The following IL1RAPL1 variants were observed in gnomAD, a reference collection of about 807,000 sequenced individuals.
IL1RAPL1 encodes the protein interleukin 1 receptor accessory protein like 1.
IL1RAPL1 carries 3 observed loss-of-function variants against 48.4 expected under a neutral mutation model. The observed-to-expected ratio is 0.06, with a 90% confidence interval of 0.03 to 0.16. The LOEUF (loss-of-function observed/expected upper bound fraction) is 0.16, where lower values mean the gene tolerates loss of function less well. Ranked by LOEUF, IL1RAPL1 falls within the 10% of genes least tolerant of loss-of-function variation. The pLI is 1.00. For synonymous variants in IL1RAPL1, 185 were observed against 187.7 expected, an observed-to-expected ratio of 0.99 and a Z score of 0.12; for missense variants, 349 against 530.6, an observed-to-expected ratio of 0.66 and a Z score of 3.36.
intron 6 of IL1RAPL1, among the ~76,000 whole-genome samples, chrX:29,728,163 C>G (rs1013091984): frequency 9.0e-6 from 1 of 111,319 alleles, no homozygotes; most frequent in Non-Finnish European, 1.9e-5. Context: ...GTCTTGATCT[C>G]CTGACCTCAT....
intron 2 of IL1RAPL1, among the ~76,000 whole-genome samples, chrX:28,827,611 C>T (rs1036906939): frequency 4.5e-5 from 5 of 111,439 alleles, no homozygotes; most frequent in Admixed American, 9.5e-5. Flanking sequence ...ATCTATATTA[C>T]GTGGTAGTTA....
At chrX:29,753,996 T>C (rs1368906733) in intron 6 of IL1RAPL1, among the ~76,000 whole-genome samples, 2 of 111,912 alleles carry the variant, frequency 1.8e-5, no homozygotes, top group Non-Finnish European at 3.8e-5. Flanking sequence ...TTCAACTTTT[T>C]CTCTATTCAT....
intron 5 of IL1RAPL1, among the ~76,000 whole-genome samples, chrX:29,627,248 G>C (rs934882780): frequency 2.7e-5 from 3 of 112,187 alleles, no homozygotes; most frequent in African/African-American, 9.7e-5. Context: ...GGTAGAAGAG[G>C]CTGTACGTGA....
chrX:28,593,688 A>T (rs1193455948), intron 1 of IL1RAPL1, among the ~76,000 whole-genome samples: 2 of 111,693 alleles, frequency 1.8e-5, no homozygotes, highest in East Asian at 2.8e-4. Flanking sequence ...TACTCTTTCG[A>T]TGTTTATTAG....
intron 5 of IL1RAPL1, among the ~76,000 whole-genome samples, chrX:29,404,171 GA>G (rs1237905382): frequency 8.9e-6 from 1 of 111,809 alleles, no homozygotes; most frequent in Non-Finnish European, 1.9e-5. Flanking sequence ...AAAAGTAACA[GA>G]ATAGTTTCAC....
intron 2 of IL1RAPL1, among the ~76,000 whole-genome samples, chrX:29,244,937 C>A (rs1315827066): frequency 2.7e-5 from 3 of 109,533 alleles, no homozygotes; most frequent in Non-Finnish European, 3.8e-5. Flanking sequence ...CCCCCCACCC[C>A]CCGACAGGCC....
At chrX:28,788,762 C>T (rs1936500692) in intron 1 of IL1RAPL1, among the ~76,000 whole-genome samples, 1 of 110,408 alleles carries the variant, frequency 9.1e-6, no homozygotes, top group Non-Finnish European at 1.9e-5. Context: ...GCCACTGTGC[C>T]TGGCCAGAGT....
intron 3 of IL1RAPL1, among the ~76,000 whole-genome samples, chrX:29,381,001 T>C (rs1043927588): frequency 2.7e-5 from 3 of 111,789 alleles, no homozygotes; most frequent in Non-Finnish European, 3.8e-5. Flanking sequence ...AGTAGGTTTT[T>C]GATAGCCTTA....
intron 6 of IL1RAPL1, among the ~76,000 whole-genome samples, chrX:29,721,441 C>A (rs1386072844): frequency 9.0e-6 from 1 of 111,407 alleles, no homozygotes; most frequent in African/African-American, 3.3e-5. Context: ...ATTCTGAGCC[C>A]TCTTTCCTTT....
chrX:29,742,796 C>A (rs1928238641), intron 6 of IL1RAPL1, among the ~76,000 whole-genome samples: 1 of 111,637 alleles, frequency 9.0e-6, no homozygotes, highest in Non-Finnish European at 1.9e-5. Context: ...TCAAATATGA[C>A]TCTTTAGGCT....
At chrX:29,845,433 TTC>T (rs1399301187) in intron 6 of IL1RAPL1, among the ~76,000 whole-genome samples, 2 of 111,162 alleles carry the variant, frequency 1.8e-5, no homozygotes, top group Non-Finnish European at 3.8e-5. Context: ...TTGAATTTAA[TTC>T]TGTTTATTAT....
chrX:29,209,083 C>T (rs1930722211), intron 2 of IL1RAPL1, among the ~76,000 whole-genome samples: 1 of 112,093 alleles, frequency 8.9e-6, no homozygotes, highest in African/African-American at 3.2e-5. Context: ...GTTGATAGCA[C>T]TGCCTAAAAT....
At chrX:28,858,429 A>AT (rs990052814) in intron 2 of IL1RAPL1, among the ~76,000 whole-genome samples, 3 of 111,872 alleles carry the variant, frequency 2.7e-5, no homozygotes, top group African/African-American at 6.5e-5. Flanking sequence ...AGCAGACTTC[A>AT]TTGTTGTCTT....
chrX:28,725,757 G>C (rs1168664059), intron 1 of IL1RAPL1, among the ~76,000 whole-genome samples: 1 of 112,478 alleles, frequency 8.9e-6, no homozygotes, highest in Non-Finnish European at 1.9e-5. Flanking sequence ...AATAAATCAT[G>C]AACAAAAGTA....
At chrX:29,694,062 A>G (rs747460244) in intron 6 of IL1RAPL1, among the ~76,000 whole-genome samples, 2 of 111,838 alleles carry the variant, frequency 1.8e-5, no homozygotes, top group South Asian at 3.7e-4. Flanking sequence ...ATAAGCAGCT[A>G]TTCTTCTGGT....
intron 5 of IL1RAPL1, among the ~76,000 whole-genome samples, chrX:29,544,572 C>G (rs761127384): frequency 7.4e-4 from 83 of 111,816 alleles, no homozygotes; most frequent in Non-Finnish European, 3.4e-4. Flanking sequence ...TGCTCTGGAC[C>G]TTTTTTCCAA....
chrX:29,157,521 A>G (rs1222333456), intron 2 of IL1RAPL1, among the ~76,000 whole-genome samples: 2 of 111,986 alleles, frequency 1.8e-5, no homozygotes, highest in African/African-American at 3.2e-5. Context: ...AAATGAACAC[A>G]AGGACAAACA....
chrX:28,867,352 G>A lies in IL1RAPL1; in HGVS notation c.82+77927G>A, dbSNP rs1167706646. On this transcript the variant is annotated intron_variant, in intron 2 of 10. Coordinates refer to ENST00000378993, the MANE Select transcript of IL1RAPL1 (RefSeq NM_014271.4). ...GGCTAGAACTTTGCTAGTCATAATT[G>A]ACCATGGAGATAAGTACCACACTCT... 2.7e-5 allele frequency among the ~76,000 whole-genome samples: 3 copies of A among 111,426 alleles called. No individual in the cohort carries two copies. The East Asian group carries it at 8.4e-4, about 31-fold the overall frequency.
At chrX:29,743,363 C>T (rs773989344) in intron 6 of IL1RAPL1, among the ~76,000 whole-genome samples, 13 of 109,298 alleles carry the variant, frequency 1.2e-4, no homozygotes, top group African/African-American at 3.4e-4. Flanking sequence ...ATTATGTCTT[C>T]GGTTAACTTT....
Sources: allele counts gnomAD v4.1 joint callset (sites outside exome capture counted in the v4.1 genomes callset), GRCh38; gene constraint gnomAD v4.1.1; transcripts MANE v1.5; gene names NCBI Gene and HGNC (gene_info 2026-07-23, HGNC 2026-07-21).